GPHN: variants seen among roughly 807,000 people sequenced by gnomAD.
GPHN encodes gephyrin.
Under a neutral mutation model 95.5 loss-of-function variants are expected in GPHN, and 17 were observed. That is an observed-to-expected ratio of 0.18 (90% CI 0.12 to 0.27). GPHN has a LOEUF of 0.27. Ranked by LOEUF, GPHN falls within the 10% of genes least tolerant of loss-of-function variation. GPHN has a pLI of 1.00. For missense variants in GPHN, 660 were observed against 978.1 expected (o/e 0.67, Z 4.34); for synonymous variants, 320 against 322.5 (o/e 0.99, Z 0.08).
chr14:67,599,127 G>A, the GPHN span, among the ~76,000 whole-genome samples: 88,717 of 152,106 alleles, frequency 0.58, 26,175 homozygotes, highest in Middle Eastern at 0.69. Flanking sequence ...GCAAAAAAGC[G>A]AATGGATGCA....
At position 66,985,582 on chromosome 14, in the gene GPHN, A is replaced by G. The variant is rs990231186; in HGVS notation, c.963+20257A>G. The G allele has an allele frequency of 1.3e-5, 9 of 718,310 alleles. No homozygotes were observed. The Admixed American group carries it at 1.7e-4, about 14-fold the overall frequency. The allele number at this position is 718,310 out of a possible 1,614,324, so 44.5% of individuals were successfully genotyped here. Reference sequence around the variant, plus strand: ...CTCCTAAGAGCTACCACAGAGAGTCAATTGATGTTTTTGCATGTATTACTT... The same window carrying G: ...CTCCTAAGAGCTACCACAGAGAGTCGATTGATGTTTTTGCATGTATTACTT... On this transcript the variant is annotated intron_variant, in intron 9 of 22. Transcript: ENST00000478722.
chr14:67,345,587 G>C, the GPHN span, among the ~76,000 whole-genome samples: 1 of 152,018 alleles, frequency 6.6e-6, no homozygotes, highest in Non-Finnish European at 1.5e-5. Flanking sequence ...ATTTTAAAAA[G>C]TAGGGACAAT....
At chr14:66,724,865 C>A (rs1454654857) in intron 2 of GPHN, among the ~76,000 whole-genome samples, 1 of 152,048 alleles carries the variant, frequency 6.6e-6, no homozygotes, top group Admixed American at 6.6e-5. Context: ...ATACCCTGAA[C>A]GTAGAGAAAA....
chr14:67,384,000 A>AAG, the GPHN span: 1,103 of 157,316 alleles, frequency 7.0e-3, 2 homozygotes, highest in Non-Finnish European at 0.012. Context: ...CTTTCAAAAG[A>AAG]AGAGTTTTAG....
intron 8 of GPHN, among the ~76,000 whole-genome samples, chr14:66,959,063 T>C (rs1267576625): frequency 2.0e-5 from 3 of 152,148 alleles, no homozygotes; most frequent in Admixed American, 6.5e-5. Flanking sequence ...TTTGAATTAA[T>C]ACCAACTTAG....
the GPHN span, among the ~76,000 whole-genome samples, chr14:67,508,029 T>A: frequency 6.6e-6 from 1 of 151,378 alleles, no homozygotes; most frequent in East Asian, 2.0e-4. Flanking sequence ...TCCCAGCTAC[T>A]CGGGAGGCTG....
At chr14:67,695,667 G>C in the GPHN span, 1 of 1,614,228 alleles carries the variant, frequency 6.2e-7, no homozygotes, top group Non-Finnish European at 8.5e-7. Flanking sequence ...AGGAAGGGCA[G>C]AAGGAGGAGC....
chr14:66,572,910 T>C (rs974206372), intron 1 of GPHN, among the ~76,000 whole-genome samples: 4 of 152,184 alleles, frequency 2.6e-5, no homozygotes, highest in African/African-American at 9.7e-5. Flanking sequence ...ATATGGTCTT[T>C]ATTGTGTTGT....
At chr14:67,396,860 C>G in the GPHN span, among the ~76,000 whole-genome samples, 1 of 152,342 alleles carries the variant, frequency 6.6e-6, no homozygotes, top group Middle Eastern at 3.4e-3. Context: ...AAGAAACAAT[C>G]TTACCATTTT....
chr14:67,725,732 A>G, the GPHN span, among the ~76,000 whole-genome samples: 1 of 152,216 alleles, frequency 6.6e-6, no homozygotes, highest in Non-Finnish European at 1.5e-5. Flanking sequence ...CCTGGCTCAG[A>G]GTCGGTAGTT....
the GPHN span, chr14:67,321,127 C>A: frequency 6.2e-7 from 1 of 1,614,102 alleles, no homozygotes; most frequent in East Asian, 2.2e-5. Context: ...GGCAAGCATT[C>A]GAGGCAGACA....
chr14:66,917,580 G>A (rs1482053277), intron 6 of GPHN, among the ~76,000 whole-genome samples: 2 of 152,114 alleles, frequency 1.3e-5, no homozygotes, highest in African/African-American at 4.8e-5. Flanking sequence ...CCACTGTGCT[G>A]ATTCAGATTG....
At chr14:66,901,500 T>C (rs1258007507) in intron 5 of GPHN, among the ~76,000 whole-genome samples, 2 of 152,132 alleles carry the variant, frequency 1.3e-5, no homozygotes, top group Non-Finnish European at 2.9e-5. Context: ...TTCTAGTAGT[T>C]TCATGTTTCA....
intron 12 of GPHN, among the ~76,000 whole-genome samples, chr14:67,099,454 A>T (rs1337234795): frequency 6.6e-6 from 1 of 152,094 alleles, no homozygotes; most frequent in Non-Finnish European, 1.5e-5. Context: ...TAAAAAAAAA[A>T]TAACCCATGA....
At chr14:67,512,397 T>G in the GPHN span, among the ~76,000 whole-genome samples, 4 of 152,374 alleles carry the variant, frequency 2.6e-5, no homozygotes, top group East Asian at 7.7e-4. Flanking sequence ...CTGTCTGATA[T>G]TCCCTCCTTA....
intron 4 of GPHN, among the ~76,000 whole-genome samples, chr14:66,875,369 C>T (rs998862722): frequency 4.6e-5 from 7 of 152,176 alleles, no homozygotes; most frequent in African/African-American, 1.4e-4. Context: ...AAATAACCAG[C>T]TAGCATCATG....
chr14:67,023,509 G>A, intron 9 of GPHN, 124 bp from the exon 10 acceptor site: 1 of 686,752 alleles, frequency 1.5e-6, no homozygotes, highest in Non-Finnish European at 2.7e-6. Flanking sequence ...AACATGTTAT[G>A]ACATCTGAAA....
intron 1 of GPHN, among the ~76,000 whole-genome samples, chr14:66,530,098 A>G (rs755310491): frequency 6.6e-6 from 1 of 152,102 alleles, no homozygotes; most frequent in Admixed American, 6.5e-5. Flanking sequence ...GGTTTTATCT[A>G]TAAGCCCCTG....
intron 1 of GPHN, among the ~76,000 whole-genome samples, chr14:66,634,300 G>T: frequency 6.6e-6 from 1 of 151,528 alleles, no homozygotes; most frequent in East Asian, 1.9e-4. Flanking sequence ...AATGTTTGTT[G>T]GGTAGAATGT....
Sources: allele counts gnomAD v4.1 joint callset (sites outside exome capture counted in the v4.1 genomes callset), GRCh38; gene constraint gnomAD v4.1.1; transcripts MANE v1.5; gene names NCBI Gene and HGNC (gene_info 2026-07-23, HGNC 2026-07-21).